Variants in EXOC4 observed in about 807,000 individuals in gnomAD.
EXOC4 encodes the protein SEC8-like 1.
In EXOC4, 71 loss-of-function variants were observed where a neutral mutation model predicts 107.2. The ratio of observed to expected loss-of-function variants is 0.66; its 90% CI spans 0.55 to 0.81. EXOC4 has a LOEUF of 0.81. Among genes scored for constraint, EXOC4 ranks in the 30% least tolerant of loss-of-function variants. The pLI, the probability that EXOC4 is intolerant of heterozygous loss-of-function variation, is 0.00. For missense variants in EXOC4, 1,108 were observed against 1,189.6 expected (o/e 0.93, Z 1.01); for synonymous variants, 456 against 441.2 (o/e 1.03, Z -0.42).
intron 9 of EXOC4, among the ~76,000 whole-genome samples, chr7:133,595,614 C>T (rs897565664): frequency 6.6e-6 from 1 of 152,132 alleles, no homozygotes; most frequent in Admixed American, 6.5e-5. Flanking sequence ...TTGTTATAGC[C>T]TTATGAGCTA....
chr7:134,008,667 G>A (rs1467910219), intron 17 of EXOC4, among the ~76,000 whole-genome samples: 1 of 151,986 alleles, frequency 6.6e-6, no homozygotes, highest in Non-Finnish European at 1.5e-5. Flanking sequence ...TTAAGTGACA[G>A]GGTATTGCTC....
At chr7:133,710,477 A>G (rs1427724334) in intron 10 of EXOC4, among the ~76,000 whole-genome samples, 7 of 151,662 alleles carry the variant, frequency 4.6e-5, no homozygotes, top group African/African-American at 2.4e-5. Flanking sequence ...TGGCTAAAAC[A>G]GTGAAACCCC....
At chr7:133,928,045 T>C (rs532321506) in intron 13 of EXOC4, among the ~76,000 whole-genome samples, 11 of 152,324 alleles carry the variant, frequency 7.2e-5, no homozygotes, top group South Asian at 4.1e-4. Context: ...AGAATTATAA[T>C]TATCTGTTAG....
intron 5 of EXOC4, among the ~76,000 whole-genome samples, chr7:133,356,099 C>G (rs1796014691): frequency 2.0e-5 from 3 of 152,130 alleles, no homozygotes. Context: ...GATTTGTTTA[C>G]TAATTTTTAT....
At chr7:133,772,129 C>A (rs1796255840) in intron 10 of EXOC4, among the ~76,000 whole-genome samples, 1 of 151,912 alleles carries the variant, frequency 6.6e-6, no homozygotes, top group African/African-American at 2.4e-5. Context: ...CCAAAATTAA[C>A]TGTGAATATA....
At chr7:133,536,105 T>C (rs1426841345) in intron 9 of EXOC4, among the ~76,000 whole-genome samples, 2 of 152,224 alleles carry the variant, frequency 1.3e-5, no homozygotes, top group East Asian at 3.8e-4. Flanking sequence ...CTCCACTTAC[T>C]AGCTTTATTG....
chr7:133,643,389 T>A (rs10251338), intron 10 of EXOC4, among the ~76,000 whole-genome samples: 65,227 of 151,926 alleles, frequency 0.43, 14,503 homozygotes, highest in South Asian at 0.53. Flanking sequence ...CCCACCCAAA[T>A]TAAGGGTGGG....
At chr7:134,009,132 A>T (rs1347627406) in intron 17 of EXOC4, among the ~76,000 whole-genome samples, 1 of 152,192 alleles carries the variant, frequency 6.6e-6, no homozygotes, top group African/African-American at 2.4e-5. Context: ...TTTATACCTG[A>T]GTGGATTATT....
intron 5 of EXOC4, among the ~76,000 whole-genome samples, chr7:133,323,802 T>A (rs575378319): frequency 1.2e-3 from 188 of 152,334 alleles, no homozygotes; most frequent in Non-Finnish European, 2.0e-3. Context: ...CTCCTCCTTG[T>A]ACCTCTGGTA....
intron 17 of EXOC4, among the ~76,000 whole-genome samples, chr7:134,052,631 A>G (rs942222287): frequency 2.0e-5 from 3 of 152,228 alleles, no homozygotes; most frequent in African/African-American, 7.2e-5. Flanking sequence ...TTTGTATTAT[A>G]TCACATAGCA....
At chr7:133,720,839 G>A (rs995337224) in intron 10 of EXOC4, among the ~76,000 whole-genome samples, 3 of 152,116 alleles carry the variant, frequency 2.0e-5, no homozygotes, top group Non-Finnish European at 4.4e-5. Flanking sequence ...GCTGTCCTAA[G>A]CATGCCACCA....
At chr7:133,785,288 T>G (rs1406733957) in intron 10 of EXOC4, among the ~76,000 whole-genome samples, 1 of 12,410 alleles carries the variant, frequency 8.1e-5, no homozygotes, top group Non-Finnish European at 2.0e-4. Flanking sequence ...ATGCCCCCTT[T>G]TAAATATTAA....
At chr7:133,575,318 G>T (rs1787762594) in intron 9 of EXOC4, among the ~76,000 whole-genome samples, 1 of 152,160 alleles carries the variant, frequency 6.6e-6, no homozygotes, top group Non-Finnish European at 1.5e-5. Flanking sequence ...GGTGATAGTG[G>T]TGATAAGATT....
intron 14 of EXOC4, among the ~76,000 whole-genome samples, chr7:133,952,203 A>T (rs1182077001): frequency 1.3e-5 from 2 of 152,160 alleles, no homozygotes; most frequent in Admixed American, 1.3e-4. Flanking sequence ...TTGTGGCTTC[A>T]GTAAAAACTA....
intron 11 of EXOC4, among the ~76,000 whole-genome samples, chr7:133,858,551 C>A (rs951684341): frequency 1.3e-5 from 2 of 152,170 alleles, no homozygotes; most frequent in African/African-American, 2.4e-5. Flanking sequence ...GCTTGAAGGT[C>A]AGGTATCACC....
At chr7:133,639,425 C>T (rs1279109594) in intron 10 of EXOC4, among the ~76,000 whole-genome samples, 1 of 152,032 alleles carries the variant, frequency 6.6e-6, no homozygotes, top group Non-Finnish European at 1.5e-5. Flanking sequence ...ATGTGTCATA[C>T]TGCCTGTGAA....
At chr7:133,345,404 A>C (rs1795761471) in intron 5 of EXOC4, among the ~76,000 whole-genome samples, 1 of 152,202 alleles carries the variant, frequency 6.6e-6, no homozygotes, top group South Asian at 2.1e-4. Context: ...CATTAATTAA[A>C]TACTGCAACC....
chr7:133,745,341 T>G (rs140661997), intron 10 of EXOC4, among the ~76,000 whole-genome samples: 48 of 152,288 alleles, frequency 3.2e-4, no homozygotes, highest in Non-Finnish European at 5.4e-4. Flanking sequence ...GTTCTTTTAA[T>G]TAATTATATA....
At chr7:133,502,486 T>C (rs527523623) in intron 9 of EXOC4, among the ~76,000 whole-genome samples, 1 of 152,344 alleles carries the variant, frequency 6.6e-6, no homozygotes, top group South Asian at 2.1e-4. Flanking sequence ...AAAATTTTTC[T>C]TGTTAGAAAA....
Sources: allele counts gnomAD v4.1 joint callset (sites outside exome capture counted in the v4.1 genomes callset), GRCh38; gene constraint gnomAD v4.1.1; transcripts MANE v1.5; gene names NCBI Gene and HGNC (gene_info 2026-07-23, HGNC 2026-07-21).